Variants in CFAP54 observed in about 807,000 individuals in gnomAD.
CFAP54 encodes the protein cilia and flagella associated protein 54.
CFAP54 carries 290 observed loss-of-function variants against 370.4 expected under a neutral mutation model. The ratio of observed to expected loss-of-function variants is 0.78; its 90% CI spans 0.71 to 0.86. The LOEUF (loss-of-function observed/expected upper bound fraction) is 0.86. Ranked by LOEUF, CFAP54 falls within the 40% of genes least tolerant of loss-of-function variation. The probability of loss-of-function intolerance (pLI) is 0.00; values close to 1 mark genes in which losing one functional copy is unlikely to be tolerated. For missense variants in CFAP54, 3,399 were observed against 3,528.7 expected (o/e 0.96, Z 0.93); for synonymous variants, 1,206 against 1,236.5 (o/e 0.98, Z 0.52).
chr12:96,816,260 C>T (rs1391860652), intron 64 of CFAP54, among the ~76,000 whole-genome samples: 1 of 152,106 alleles, frequency 6.6e-6, no homozygotes, highest in African/African-American at 2.4e-5. Flanking sequence ...TTGTAGTTCT[C>T]CTTGAAGAGG....
intron 66 of CFAP54, among the ~76,000 whole-genome samples, chr12:96,838,532 A>G (rs1181345729): frequency 6.6e-6 from 1 of 152,146 alleles, no homozygotes; most frequent in African/African-American, 2.4e-5. Flanking sequence ...CATGTCTTAC[A>G]TGTGGCAGGA....
intron 65 of CFAP54, among the ~76,000 whole-genome samples, chr12:96,827,736 T>TAATTATATATAATTATATTTAATAC (rs1959134562): frequency 8.1e-6 from 1 of 123,672 alleles, no homozygotes; most frequent in Non-Finnish European, 1.6e-5. Context: ...ATATTTAATA[T>TAATTATATATAATTATATTTAATAC]AATTATATAT....
intron 55 of CFAP54, among the ~76,000 whole-genome samples, chr12:96,747,458 G>A (rs1592739573): frequency 6.6e-6 from 1 of 152,270 alleles, no homozygotes; most frequent in Non-Finnish European, 1.5e-5. Flanking sequence ...CAAGAAATAT[G>A]TTTTGGTCAA....
At chr12:96,576,803 T>G (rs954604829) in intron 20 of CFAP54, 42 bp downstream of exon 20, 1 of 1,433,002 alleles carries the variant, frequency 7.0e-7, no homozygotes, top group Admixed American at 2.2e-5. Flanking sequence ...CAAAGCAACA[T>G]AAGTACTTTT....
At chr12:96,646,228 C>G (rs1425222808) in intron 33 of CFAP54, 2 of 152,144 alleles carry the variant, frequency 1.3e-5, no homozygotes, top group Non-Finnish European at 2.9e-5. Context: ...TATCCAGAAT[C>G]TACAATGAAC....
intron 65 of CFAP54, among the ~76,000 whole-genome samples, chr12:96,826,000 A>G (rs948515342): frequency 6.9e-6 from 1 of 144,010 alleles, no homozygotes; most frequent in African/African-American, 2.5e-5. Flanking sequence ...AATAAATAAC[A>G]ATATATTAAT....
intron 42 of CFAP54, among the ~76,000 whole-genome samples, chr12:96,688,184 T>A (rs1472276082): frequency 6.6e-6 from 1 of 152,216 alleles, no homozygotes; most frequent in Admixed American, 6.5e-5. Context: ...CAAATGTGAA[T>A]TTTAAGACTC....
chr12:96,608,006 C>G (rs188222121), intron 26 of CFAP54, among the ~76,000 whole-genome samples: 122 of 152,070 alleles, frequency 8.0e-4, no homozygotes, highest in African/African-American at 2.8e-3. Context: ...AATACTCTAT[C>G]AAATGACAAT....
chr12:96,875,009 C>T (rs1007480791), intron 67 of CFAP54, 109 bp from the exon 68 acceptor site: 3 of 152,020 alleles, frequency 2.0e-5, no homozygotes, highest in Non-Finnish European at 2.9e-5. Flanking sequence ...TGAGGACTAG[C>T]GCAGGAGCAT....
intron 48 of CFAP54, 64 bp downstream of exon 48, chr12:96,708,867 C>G: frequency 7.9e-7 from 1 of 1,268,510 alleles, no homozygotes; most frequent in South Asian, 1.5e-5. Context: ...TCTCCCAGCC[C>G]CCACTAATCT....
chr12:96,843,762 T>A (rs547354756), intron 66 of CFAP54, among the ~76,000 whole-genome samples: 1 of 152,328 alleles, frequency 6.6e-6, no homozygotes, highest in South Asian at 2.1e-4. Flanking sequence ...TGTGTCGAGT[T>A]ACAGTTGTGA....
chr12:96,781,622 T>C (rs1364944196), intron 60 of CFAP54, among the ~76,000 whole-genome samples: 1 of 152,050 alleles, frequency 6.6e-6, no homozygotes, highest in Non-Finnish European at 1.5e-5. Context: ...GGTGTGCAGG[T>C]ACTATTAGAA....
At position 96,647,880 on chromosome 12, in the gene CFAP54, G is replaced by A. The variant is rs376215734; in HGVS notation, c.4553G>A (p.Arg1518Gln). Residue 1518 changes from arginine (R) to glutamine (Q), a missense_variant, in exon 34 of 68, where the codon CGA (arginine) becomes CAA (glutamine). Arg to Gln is a conservative substitution (Grantham distance 43). This residue lies in a region of CFAP54 where 2,796 missense variants were observed against 2,869.7 expected (regional missense o/e 0.97). Transcript: ENST00000524981. ...TGATTTTTCCCCCCTTGCAGTTTCC[G>A]ATCATGTGATCCTAACATGTTTTCA... ...FGTSHMMVSFRSCDPNMFSLY... is the reference protein window; with the variant it reads ...FGTSHMMVSFQSCDPNMFSLY... 47 of 1,498,194 alleles carry A rather than the reference G, an allele frequency of 3.1e-5. No homozygotes were observed. The highest frequency in any genetic ancestry group is 1.9e-4 in the Admixed American group (8 of 42,152). 92.8% of individuals were successfully genotyped at this position (1,498,194 alleles called of 1,614,324 possible). A position where few individuals can be genotyped will look rare whatever the true frequency, so the allele number is the denominator to read the frequency against.
intron 46 of CFAP54, among the ~76,000 whole-genome samples, chr12:96,700,732 A>G (rs753672288): frequency 2.0e-5 from 3 of 152,168 alleles, no homozygotes; most frequent in Non-Finnish European, 2.9e-5. Flanking sequence ...TTTAGTCTTC[A>G]TGGTGGTCTG....
At chr12:96,604,722 T>A (rs1188235993) in intron 26 of CFAP54, among the ~76,000 whole-genome samples, 1 of 152,212 alleles carries the variant, frequency 6.6e-6, no homozygotes, top group Non-Finnish European at 1.5e-5. Context: ...GCATCCCAGG[T>A]TGATCTCAGA....
intron 27 of CFAP54, 150 bp downstream of exon 27, chr12:96,621,871 G>GTTTTTTTTTTTT (rs1290967830): frequency 5.1e-4 from 26 of 51,424 alleles, no homozygotes; most frequent in Non-Finnish European, 8.0e-4. Flanking sequence ...GAGCTTTTGG[G>GTTTTTTTTTTTT]TTTGTTTTTT....
At chr12:96,614,898 A>G (rs1429964734) in intron 26 of CFAP54, among the ~76,000 whole-genome samples, 2 of 152,010 alleles carry the variant, frequency 1.3e-5, no homozygotes, top group Non-Finnish European at 2.9e-5. Flanking sequence ...ATGCTCATGG[A>G]TAGGAAGAAT....
At chr12:96,802,370 C>G (rs1197915179) in intron 63 of CFAP54, among the ~76,000 whole-genome samples, 1 of 152,106 alleles carries the variant, frequency 6.6e-6, no homozygotes, top group Non-Finnish European at 1.5e-5. Flanking sequence ...GGGCCGAGTT[C>G]AAGGCCCACC....
At chr12:96,519,828 G>A (rs991622996) in intron 6 of CFAP54, among the ~76,000 whole-genome samples, 17 of 152,234 alleles carry the variant, frequency 1.1e-4, no homozygotes, top group South Asian at 8.3e-4. Context: ...TATGCAATAC[G>A]TTATTGTTAA....
Sources: allele counts gnomAD v4.1 joint callset (sites outside exome capture counted in the v4.1 genomes callset), GRCh38; gene constraint gnomAD v4.1.1; regional missense constraint gnomAD v4.1.1; transcripts MANE v1.5; gene names NCBI Gene and HGNC (gene_info 2026-07-23, HGNC 2026-07-21).